Variants in PARD3 observed in about 807,000 individuals in gnomAD.
PARD3 encodes the protein par-3 family cell polarity regulator, also known as partitioning defective 3 homolog.
PARD3 carries 75 observed loss-of-function variants against 155.4 expected under a neutral mutation model. The ratio of observed to expected loss-of-function variants is 0.48; its 90% CI spans 0.40 to 0.58. PARD3 has a LOEUF of 0.58. Among genes scored for constraint, PARD3 ranks in the 20% least tolerant of loss-of-function variants. The pLI, the probability that PARD3 is intolerant of heterozygous loss-of-function variation, is 0.00. For synonymous variants in PARD3, 576 were observed against 610.5 expected (o/e 0.94, Z 0.83); for missense variants, 1,642 against 1,721.7 (o/e 0.95, Z 0.82).
chr10:34,597,090 G>C (rs2089340511), intron 2 of PARD3, among the ~76,000 whole-genome samples: 1 of 152,112 alleles, frequency 6.6e-6, no homozygotes. Context: ...CGCTGGAGCA[G>C]GGAAAACATT....
intron 2 of PARD3, among the ~76,000 whole-genome samples, chr10:34,624,815 G>C (rs117992462): frequency 0.011 from 1,614 of 152,284 alleles, 14 homozygotes; most frequent in Non-Finnish European, 0.017. Context: ...CAGGGCCCAC[G>C]TCCCACTGCA....
At chr10:34,662,871 G>GAAAAAAAAAAAAAAAAA (rs568672135) in intron 2 of PARD3, among the ~76,000 whole-genome samples, 1 of 123,632 alleles carries the variant, frequency 8.1e-6, no homozygotes, top group African/African-American at 3.0e-5. Context: ...AACTGTCTCA[G>GAAAAAAAAAAAAAAAAA]AAAAAAAAAA....
intron 1 of PARD3, among the ~76,000 whole-genome samples, chr10:34,771,095 G>T (rs1206775193): frequency 6.6e-6 from 1 of 152,154 alleles, no homozygotes; most frequent in Non-Finnish European, 1.5e-5. Context: ...TATTAAAATT[G>T]GTCACTTGAA....
In PARD3 at chr10:34,111,432, G is replaced by A; in HGVS notation, c.3799C>T (p.Leu1267=). The change falls in exon 25 of 25, where the codon CTG becomes TTG. Residue 1267 remains leucine, a synonymous_variant. Coordinates refer to ENST00000374788, the MANE Select transcript of PARD3 (RefSeq NM_001184785.2). ...SSYQGSRNGY[L]GGHGFNARVM... is the part of the protein sequence containing the mutation. ...CTGGCGTTGAAGCCATGTCCTCCCA[G>A]GTAGCCGTTCCTGGAGCCTTGGTAG... 15 of 1,614,194 alleles carry A rather than the reference G, an allele frequency of 9.3e-6. No homozygotes were observed. Among genetic ancestry groups the A allele is most frequent in the Non-Finnish European group, 1.2e-5 (14 of 1,180,038 alleles).
intron 1 of PARD3, among the ~76,000 whole-genome samples, chr10:34,785,423 C>G (rs1840828348): frequency 1.3e-5 from 2 of 152,034 alleles, no homozygotes; most frequent in Non-Finnish European, 2.9e-5. Context: ...GAAGTAAAAG[C>G]ATTTTTTGCA....
intron 22 of PARD3, among the ~76,000 whole-genome samples, chr10:34,181,337 CA>C (rs1950257830): frequency 6.6e-6 from 1 of 152,168 alleles, no homozygotes; most frequent in African/African-American, 2.4e-5. Context: ...ATCCAGTTAA[CA>C]AAAGTTGGGT....
At chr10:34,732,725 T>G (rs1445254243) in intron 1 of PARD3, among the ~76,000 whole-genome samples, 2 of 152,188 alleles carry the variant, frequency 1.3e-5, no homozygotes, top group South Asian at 4.1e-4. Flanking sequence ...TAGTAATTGA[T>G]TAATCGGTGA....
At chr10:34,588,113 T>G (rs1436505128) in intron 2 of PARD3, among the ~76,000 whole-genome samples, 5 of 152,214 alleles carry the variant, frequency 3.3e-5, no homozygotes, top group Non-Finnish European at 5.9e-5. Flanking sequence ...GGCACCTTGC[T>G]AGCCCTGAGA....
intron 2 of PARD3, among the ~76,000 whole-genome samples, chr10:34,633,265 A>G (rs928017275): frequency 2.6e-5 from 4 of 152,200 alleles, no homozygotes; most frequent in African/African-American, 9.7e-5. Context: ...GCTCCAAAAA[A>G]AAGAATAAGA....
At chr10:34,289,159 G>A (rs986749879) in intron 20 of PARD3, among the ~76,000 whole-genome samples, 5 of 151,784 alleles carry the variant, frequency 3.3e-5, no homozygotes, top group African/African-American at 1.2e-4. Context: ...GTAGAGATGC[G>A]GTTTCCCATA....
chr10:34,478,729 G>C (rs1027371235), intron 3 of PARD3, among the ~76,000 whole-genome samples: 4 of 152,134 alleles, frequency 2.6e-5, no homozygotes, highest in African/African-American at 9.7e-5. Flanking sequence ...ATTTAGTAGA[G>C]ACAGGTTTTC....
rs189413112 is a variant in PARD3, at chr10:34,605,128, G to A, written c.223-87969C>T. The stretch of plus-strand genomic sequence containing the variant: ...GGGTGGTGTAAAAATAATCCATGCC[G>A]GATGTCAACTACACTAGGTATGCCA... On this transcript the variant is annotated intron_variant, in intron 2 of 24. Coordinates refer to ENST00000374788, the MANE Select transcript of PARD3 (RefSeq NM_001184785.2). Among the ~76,000 whole-genome samples, 645 of 150,950 alleles carry A rather than the reference G, an allele frequency of 4.3e-3. 2 individuals are homozygous for A. Among genetic ancestry groups the A allele is most frequent in the African/African-American group, 8.3e-3 (342 of 41,082 alleles).
chr10:34,595,487 T>C (rs2089165249), intron 2 of PARD3, among the ~76,000 whole-genome samples: 1 of 152,250 alleles, frequency 6.6e-6, no homozygotes, highest in African/African-American at 2.4e-5. Context: ...GCCATCAATT[T>C]GGTTAAATTT....
chr10:34,237,838 G>A (rs867034093), intron 22 of PARD3, among the ~76,000 whole-genome samples: 4 of 152,232 alleles, frequency 2.6e-5, no homozygotes, highest in South Asian at 2.1e-4. Context: ...TTTTATATGC[G>A]TCTCCTGGCT....
At chr10:34,308,757 C>A (rs1039543943) in intron 20 of PARD3, among the ~76,000 whole-genome samples, 6 of 152,132 alleles carry the variant, frequency 3.9e-5, no homozygotes, top group African/African-American at 1.4e-4. Context: ...TGCCTATAGG[C>A]TGTATTTGGA....
At chr10:34,283,424 T>C (rs1368967535) in intron 21 of PARD3, among the ~76,000 whole-genome samples, 1 of 152,112 alleles carries the variant, frequency 6.6e-6, no homozygotes, top group African/African-American at 2.4e-5. Flanking sequence ...AAGTGTGAGA[T>C]GGCTTTCTCA....
intron 9 of PARD3, among the ~76,000 whole-genome samples, chr10:34,378,757 A>T (rs1405640217): frequency 2.0e-5 from 3 of 152,146 alleles, no homozygotes; most frequent in African/African-American, 7.2e-5. Context: ...CTCAGTGAAG[A>T]CTCCATCTCA....
chr10:34,715,109 GCT>G (rs2094501394), intron 1 of PARD3, among the ~76,000 whole-genome samples: 1 of 135,936 alleles, frequency 7.4e-6, no homozygotes, highest in Non-Finnish European at 1.6e-5. Flanking sequence ...ACAAGGTCTC[GCT>G]CTGTCACCCA....
At chr10:34,202,083 T>G (rs748022283) in intron 22 of PARD3, 3 of 152,128 alleles carry the variant, frequency 2.0e-5, no homozygotes, top group Non-Finnish European at 4.4e-5. Flanking sequence ...CCTATTTTTG[T>G]TTTTTTTAGA....
Sources: gnomAD v4.1 joint callset for allele counts (sites outside exome capture counted in the v4.1 genomes callset) on GRCh38, gnomAD v4.1.1 for gene constraint, MANE v1.5 for transcripts, NCBI Gene and HGNC (gene_info 2026-07-23, HGNC 2026-07-21) for gene names.